Variants in DNER observed in about 807,000 individuals in gnomAD.
DNER encodes delta and Notch-like epidermal growth factor-related receptor.
Under a neutral mutation model 78.2 loss-of-function variants are expected in DNER, and 33 were observed. That is an observed-to-expected ratio of 0.42 (90% CI 0.32 to 0.56). The LOEUF (loss-of-function observed/expected upper bound fraction) is 0.56. DNER is among the 20% of genes least tolerant of loss of function. The pLI, the probability that DNER is intolerant of heterozygous loss-of-function variation, is 0.11. For synonymous variants in DNER, 417 were observed against 384.8 expected (o/e 1.08, Z -0.98); for missense variants, 918 against 975.3 (o/e 0.94, Z 0.78).
chr2:229,616,904 T>C (rs1464138227), intron 1 of DNER, among the ~76,000 whole-genome samples: 1 of 152,188 alleles, frequency 6.6e-6, no homozygotes, highest in Non-Finnish European at 1.5e-5. Flanking sequence ...CTTATGCAGA[T>C]GGGAGGGTCT....
chr2:229,577,634 CA>C (rs966185785), intron 4 of DNER, among the ~76,000 whole-genome samples: 32 of 144,554 alleles, frequency 2.2e-4, no homozygotes, highest in East Asian at 2.0e-3. Flanking sequence ...GACTCTGTCT[CA>C]AAAAAAAAAC....
intron 7 of DNER, among the ~76,000 whole-genome samples, chr2:229,472,816 A>G (rs1423347942): frequency 6.6e-6 from 1 of 152,238 alleles, no homozygotes; most frequent in Non-Finnish European, 1.5e-5. Context: ...CTGAAGCTAC[A>G]CTTTCCCAAT....
At chr2:229,707,976 T>C (rs751558248) in intron 1 of DNER, among the ~76,000 whole-genome samples, 5 of 152,150 alleles carry the variant, frequency 3.3e-5, no homozygotes, top group African/African-American at 9.7e-5. Context: ...TCACAGATGA[T>C]AAAACCAAGC....
intron 4 of DNER, among the ~76,000 whole-genome samples, chr2:229,551,446 C>CA: frequency 6.6e-6 from 1 of 151,928 alleles, no homozygotes; most frequent in South Asian, 2.1e-4. Flanking sequence ...CCAGCCTGGC[C>CA]AACACAGTGA....
chr2:229,371,436 C>T (rs893089664), intron 11 of DNER, among the ~76,000 whole-genome samples: 5 of 152,212 alleles, frequency 3.3e-5, no homozygotes, highest in African/African-American at 9.7e-5. Context: ...AGGTGCATGA[C>T]CAGGAATGCA....
chr2:229,453,284 G>T (rs185586198), intron 7 of DNER, among the ~76,000 whole-genome samples: 1 of 152,208 alleles, frequency 6.6e-6, no homozygotes. Context: ...GTTTTCAGAT[G>T]GGGGGACAAT....
chr2:229,409,267 T>G (rs1187134405), intron 9 of DNER, among the ~76,000 whole-genome samples: 1 of 152,152 alleles, frequency 6.6e-6, no homozygotes, highest in African/African-American at 2.4e-5. Context: ...GACTCACATA[T>G]TTACAAGTTC....
chr2:229,578,519 T>C (rs2154214235), intron 4 of DNER, among the ~76,000 whole-genome samples: 1 of 152,276 alleles, frequency 6.6e-6, no homozygotes, highest in Non-Finnish European at 1.5e-5. Flanking sequence ...AAATTAACAC[T>C]GGCCACTATG....
At chr2:229,397,463 C>CAAAAAAAAAAAAAAAAAAAA (rs763572496) in intron 10 of DNER, among the ~76,000 whole-genome samples, 15 of 96,578 alleles carry the variant, frequency 1.6e-4, no homozygotes, top group East Asian at 3.3e-4. Context: ...CCAAACACTA[C>CAAAAAAAAAAAAAAAAAAAA]AAAAAAAAAA....
At chr2:229,513,131 G>T (rs1197223461) in intron 5 of DNER, among the ~76,000 whole-genome samples, 195 bp from the exon 6 acceptor site, 5 of 152,166 alleles carry the variant, frequency 3.3e-5, no homozygotes, top group South Asian at 2.1e-4. Flanking sequence ...TCTCAAACAC[G>T]TTTTTCTATT....
At chr2:229,475,941 C>G (rs1295449985) in intron 7 of DNER, among the ~76,000 whole-genome samples, 1 of 152,208 alleles carries the variant, frequency 6.6e-6, no homozygotes, top group Non-Finnish European at 1.5e-5. Flanking sequence ...GCTTTAAGAA[C>G]TGCAAAGTGC....
intron 11 of DNER, 48 bp from the exon 12 acceptor site, chr2:229,367,167 A>G: frequency 6.2e-7 from 1 of 1,608,424 alleles, no homozygotes; most frequent in Non-Finnish European, 8.5e-7. Flanking sequence ...GTCACCTTTG[A>G]GAATGAGAAG....
intron 1 of DNER, among the ~76,000 whole-genome samples, chr2:229,667,434 G>A (rs1699111304): frequency 1.3e-5 from 2 of 152,200 alleles, no homozygotes; most frequent in South Asian, 4.1e-4. Context: ...CCTTTGGGAA[G>A]GCCAAGCAGA....
chr2:229,388,078 C>T (rs1448595853), intron 11 of DNER, among the ~76,000 whole-genome samples, 187 bp downstream of exon 11: 2 of 152,140 alleles, frequency 1.3e-5, no homozygotes, highest in South Asian at 4.2e-4. Context: ...GGCAAACATG[C>T]TAAACTGGGT....
rs1413811272 is a variant in DNER at position 229,586,027 on chromosome 2, G to A, written c.681-3C>T. Reference sequence around the variant, plus strand: ...AGGCAGTGGCATCTTGCCGAATCCTGGAAACAGGAATGATGTAAACAGAAA... The same window carrying A: ...AGGCAGTGGCATCTTGCCGAATCCTAGAAACAGGAATGATGTAAACAGAAA... On this transcript the variant is annotated splice_polypyrimidine_tract_variant and splice_region_variant and intron_variant, in intron 3 of 12. Coordinates refer to ENST00000341772, the MANE Select transcript of DNER (RefSeq NM_139072.4). 1 of 1,607,326 alleles carries A rather than the reference G, an allele frequency of 6.2e-7. No individual in the cohort carries two copies. Among genetic ancestry groups the A allele is most frequent in the Non-Finnish European group, 8.5e-7 (1 of 1,177,126 alleles).
chr2:229,395,281 T>C (rs1334134018), intron 10 of DNER, among the ~76,000 whole-genome samples: 1 of 152,180 alleles, frequency 6.6e-6, no homozygotes, highest in Non-Finnish European at 1.5e-5. Flanking sequence ...CTCATTTCTT[T>C]GGGAATTTAC....
At chr2:229,590,738 G>A (rs535300439) in intron 2 of DNER, among the ~76,000 whole-genome samples, 23 of 152,350 alleles carry the variant, frequency 1.5e-4, no homozygotes, top group East Asian at 1.2e-3. Flanking sequence ...TGCCTTGATC[G>A]TGGACTTCCT....
chr2:229,436,881 C>T (rs949232690), intron 8 of DNER, among the ~76,000 whole-genome samples: 29 of 152,174 alleles, frequency 1.9e-4, no homozygotes, highest in Non-Finnish European at 3.5e-4. Context: ...ATAAAGCGGT[C>T]ACACAAGCAA....
At chr2:229,426,334 C>T (rs1428976453) in intron 8 of DNER, among the ~76,000 whole-genome samples, 1 of 150,644 alleles carries the variant, frequency 6.6e-6, no homozygotes, top group Non-Finnish European at 1.5e-5. Flanking sequence ...CCAGCTACTC[C>T]AGAGGCTGAG....
Sources: gnomAD v4.1 joint callset for allele counts (sites outside exome capture counted in the v4.1 genomes callset) on GRCh38, gnomAD v4.1.1 for gene constraint, MANE v1.5 for transcripts, NCBI Gene and HGNC (gene_info 2026-07-23, HGNC 2026-07-21) for gene names.